Variants in ELMO1 observed in about 807,000 individuals in gnomAD.
The protein encoded by ELMO1 is engulfment and cell motility 1.
Under a neutral mutation model 98.9 loss-of-function variants are expected in ELMO1, and 26 were observed. The ratio of observed to expected loss-of-function variants is 0.26; its 90% confidence interval spans 0.19 to 0.36. ELMO1 has a LOEUF of 0.36. Among genes scored for constraint, ELMO1 ranks in the 10% least tolerant of loss-of-function variants. ELMO1 has a pLI of 1.00. For missense variants in ELMO1, 627 were observed against 935.2 expected (o/e 0.67, Z 4.30); for synonymous variants, 346 against 346.0 (o/e 1.00, Z 0.00).
At chr7:37,332,948 G>A (rs895859547) in intron 2 of ELMO1, among the ~76,000 whole-genome samples, 9 of 152,118 alleles carry the variant, frequency 5.9e-5, no homozygotes, top group South Asian at 2.1e-4. Context: ...CGGCTAGGAC[G>A]GAAAAAGGGT....
At chr7:37,259,887 G>A (rs1193038190) in intron 5 of ELMO1, among the ~76,000 whole-genome samples, 1 of 152,160 alleles carries the variant, frequency 6.6e-6, no homozygotes, top group African/African-American at 2.4e-5. Flanking sequence ...CCACAACGAT[G>A]CTTGTAAATT....
intron 1 of ELMO1, among the ~76,000 whole-genome samples, chr7:37,371,416 G>A (rs1033948503): frequency 2.0e-5 from 3 of 152,120 alleles, no homozygotes; most frequent in Admixed American, 1.3e-4. Flanking sequence ...TCATTTGCTT[G>A]TATCATATAC....
chr7:36,924,967 T>C (rs936865429), intron 16 of ELMO1, among the ~76,000 whole-genome samples: 1 of 152,190 alleles, frequency 6.6e-6, no homozygotes, highest in African/African-American at 2.4e-5. Context: ...TTACCCACTG[T>C]GGGAACACAG....
chr7:37,291,298 G>A (rs1257875034), intron 4 of ELMO1, among the ~76,000 whole-genome samples: 1 of 152,088 alleles, frequency 6.6e-6, no homozygotes, highest in Non-Finnish European at 1.5e-5. Flanking sequence ...AAAATATATA[G>A]CTAGAGAAAG....
intron 6 of ELMO1, among the ~76,000 whole-genome samples, chr7:37,253,935 A>G (rs1297743379): frequency 6.6e-6 from 1 of 152,134 alleles, no homozygotes; most frequent in South Asian, 2.1e-4. Flanking sequence ...AAATTACAGG[A>G]TCTATTTAAT....
intron 2 of ELMO1, among the ~76,000 whole-genome samples, chr7:37,326,049 A>G (rs866841626): frequency 2.0e-5 from 3 of 152,186 alleles, no homozygotes; most frequent in South Asian, 2.1e-4. Context: ...TCTATACCCT[A>G]TCTTCCTAAT....
chr7:36,867,141 G>A (rs1206415085), intron 20 of ELMO1, among the ~76,000 whole-genome samples: 3 of 152,070 alleles, frequency 2.0e-5, no homozygotes, highest in Non-Finnish European at 4.4e-5. Context: ...GCCTCTATTT[G>A]CAGTCTTATC....
intron 13 of ELMO1, among the ~76,000 whole-genome samples, chr7:37,149,872 A>T (rs1288129521): frequency 6.6e-6 from 1 of 152,196 alleles, no homozygotes; most frequent in Non-Finnish European, 1.5e-5. Context: ...GCCCCTTTGT[A>T]AATGTTTAAT....
intron 2 of ELMO1, among the ~76,000 whole-genome samples, chr7:37,328,777 AAAT>A (rs1799951851): frequency 6.6e-6 from 1 of 152,192 alleles, no homozygotes; most frequent in Non-Finnish European, 1.5e-5. Context: ...CTGGATGCCC[AAAT>A]CACCATCTCC....
At chr7:36,888,944 C>T (rs1276519693) in intron 17 of ELMO1, among the ~76,000 whole-genome samples, 2 of 152,192 alleles carry the variant, frequency 1.3e-5, no homozygotes, top group African/African-American at 4.8e-5. Context: ...TTCCTTCCTT[C>T]CTGAAAATAA....
chr7:36,895,275 T>C (rs1805898484), intron 16 of ELMO1, among the ~76,000 whole-genome samples: 1 of 152,194 alleles, frequency 6.6e-6, no homozygotes, highest in Admixed American at 6.5e-5. Context: ...GTGGGAGGTG[T>C]ACTCCACTTG....
At chr7:37,081,178 A>G (rs1049601219) in intron 15 of ELMO1, among the ~76,000 whole-genome samples, 26 of 152,230 alleles carry the variant, frequency 1.7e-4, no homozygotes, top group Admixed American at 1.2e-3. Flanking sequence ...TATAAGAAAA[A>G]AAATTGCAAA....
intron 4 of ELMO1, among the ~76,000 whole-genome samples, chr7:37,282,733 G>C (rs2256444): frequency 0.44 from 66,566 of 152,066 alleles, 14,812 homozygotes; most frequent in Middle Eastern, 0.54. Context: ...CTCTAGCCTT[G>C]CAGGGGCTGC....
chr7:37,438,223 G>C (rs796483425), intron 1 of ELMO1, among the ~76,000 whole-genome samples: 1 of 152,020 alleles, frequency 6.6e-6, no homozygotes, highest in East Asian at 1.9e-4. Flanking sequence ...GTCACTTGAA[G>C]AAAATTAAAT....
At chr7:37,293,481 G>C (rs1229408001) in intron 4 of ELMO1, among the ~76,000 whole-genome samples, 1 of 99,972 alleles carries the variant, frequency 1.0e-5, no homozygotes, top group African/African-American at 3.0e-5. Flanking sequence ...GATTAAGGGC[G>C]GTGCAAGTTG....
intron 1 of ELMO1, among the ~76,000 whole-genome samples, chr7:37,415,067 A>G (rs1184157766): frequency 1.3e-5 from 2 of 152,228 alleles, no homozygotes; most frequent in African/African-American, 4.8e-5. Flanking sequence ...TCTGACATAC[A>G]TACTTTGGGG....
At chr7:36,937,643 CT>C (rs1376400753) in intron 16 of ELMO1, among the ~76,000 whole-genome samples, 1 of 152,184 alleles carries the variant, frequency 6.6e-6, no homozygotes, top group African/African-American at 2.4e-5. Context: ...TTTAAAATCC[CT>C]TGTCTCTTTA....
At chr7:37,383,297 G>A (rs1323606455) in intron 1 of ELMO1, among the ~76,000 whole-genome samples, 3 of 152,096 alleles carry the variant, frequency 2.0e-5, no homozygotes, top group Admixed American at 2.0e-4. Flanking sequence ...CTTTCATGAC[G>A]CTGACATTTT....
chr7:37,097,192 A>G (rs1267575505), intron 14 of ELMO1, among the ~76,000 whole-genome samples: 6 of 152,180 alleles, frequency 3.9e-5, no homozygotes, highest in Non-Finnish European at 8.8e-5. Flanking sequence ...TCATGCCTGG[A>G]AAATGTGACA....
Sources: allele counts gnomAD v4.1 joint callset (sites outside exome capture counted in the v4.1 genomes callset), GRCh38; gene constraint gnomAD v4.1.1; transcripts MANE v1.5; gene names NCBI Gene and HGNC (gene_info 2026-07-23, HGNC 2026-07-21).